Variants in RYR2 observed in about 807,000 individuals in gnomAD.
RYR2 encodes the protein cardiac muscle ryanodine receptor-calcium release channel.
In RYR2, 227 loss-of-function variants were observed where a neutral mutation model predicts 601.1. The observed-to-expected ratio is 0.38, with a 90% CI of 0.34 to 0.42. RYR2 has a LOEUF of 0.42. RYR2 is among the 10% of genes least tolerant of loss of function. RYR2 has a pLI of 1.00. For missense variants in RYR2, 4,646 were observed against 6,156.5 expected (o/e 0.75, Z 8.21); for synonymous variants, 2,223 against 2,175.1 (o/e 1.02, Z -0.61).
intron 51 of RYR2, 52 bp from the exon 52 acceptor site, chr1:237,654,222 A>C: frequency 6.3e-7 from 1 of 1,588,940 alleles, no homozygotes; most frequent in Non-Finnish European, 8.5e-7. Context: ...ATGAAAAAAA[A>C]ATATAAAAGG....
chr1:237,139,769 C>A (rs1673178684), intron 1 of RYR2, among the ~76,000 whole-genome samples: 1 of 152,176 alleles, frequency 6.6e-6, no homozygotes, highest in Admixed American at 6.5e-5. Flanking sequence ...CAAAATATTT[C>A]TATTTAGATT....
At chr1:237,312,152 G>T (rs1694640812) in intron 2 of RYR2, among the ~76,000 whole-genome samples, 1 of 152,160 alleles carries the variant, frequency 6.6e-6, no homozygotes, top group Admixed American at 6.5e-5. Context: ...AGGATTTGGG[G>T]GAGGTGGTTA....
In RYR2 at chr1:237,127,714, G is replaced by C. The variant is rs1169572432; in HGVS notation, c.48+85145G>C. Among the ~76,000 whole-genome samples the C allele has an allele frequency of 2.0e-5, 3 of 150,936 alleles. No homozygotes were observed. In the East Asian group the frequency reaches 6.0e-4, roughly 30 times the overall value. ...CTCCTCACCTCCCAGACGGGGTCGC[G>C]GCCGGGCAGAGGTGCTCCTCACATC... is the stretch of plus-strand genomic sequence containing the variant. On this transcript the variant is annotated intron_variant, in intron 1 of 104. Coordinates refer to ENST00000366574, the MANE Select transcript of RYR2 (RefSeq NM_001035.3).
chr1:237,584,871 C>T (rs1674350781), intron 29 of RYR2, among the ~76,000 whole-genome samples: 1 of 151,164 alleles, frequency 6.6e-6, no homozygotes, highest in South Asian at 2.1e-4. Context: ...AAAGCTAACT[C>T]CTAAGCAGTG....
intron 1 of RYR2, among the ~76,000 whole-genome samples, chr1:237,263,725 T>G (rs1265221265): frequency 6.6e-6 from 1 of 152,168 alleles, no homozygotes; most frequent in African/African-American, 2.4e-5. Context: ...TCAAATTGGA[T>G]TAGAGGTCAT....
chr1:237,720,610 G>A (rs926205797), intron 73 of RYR2, among the ~76,000 whole-genome samples: 1 of 152,206 alleles, frequency 6.6e-6, no homozygotes, highest in African/African-American at 2.4e-5. Flanking sequence ...CCTATAGGGA[G>A]AGACACTAAA....
chr1:237,354,754 T>C (rs1699151890), intron 3 of RYR2, among the ~76,000 whole-genome samples: 1 of 152,086 alleles, frequency 6.6e-6, no homozygotes, highest in African/African-American at 2.4e-5. Flanking sequence ...AATCAGGCCT[T>C]TCTGTTCAGT....
chr1:237,234,505 G>A (rs546852153), intron 1 of RYR2, among the ~76,000 whole-genome samples: 70 of 152,220 alleles, frequency 4.6e-4, no homozygotes, highest in African/African-American at 1.5e-3. Flanking sequence ...GGGAGTTGGC[G>A]TGTCATTGAA....
intron 71 of RYR2, among the ~76,000 whole-genome samples, chr1:237,712,892 A>G (rs1688960675): frequency 6.6e-6 from 1 of 152,216 alleles, no homozygotes. Context: ...CCAAATGGCC[A>G]AAGATCCAAA....
At chr1:237,098,176 C>A (rs1178642705) in intron 1 of RYR2, among the ~76,000 whole-genome samples, 1 of 152,100 alleles carries the variant, frequency 6.6e-6, no homozygotes, top group Admixed American at 6.5e-5. Flanking sequence ...CATAAAATTT[C>A]TGAACACAGA....
At chr1:237,521,174 G>A (rs976882046) in intron 24 of RYR2, among the ~76,000 whole-genome samples, 5 of 152,036 alleles carry the variant, frequency 3.3e-5, no homozygotes, top group African/African-American at 1.2e-4. Context: ...AAAAGTCAAG[G>A]AGCAGGAAAT....
rs56317247 is a variant in RYR2, at chr1:237,408,407, A to ATATATATATATATATATATATATAT, written c.774-8642_774-8641insTATATATATATATATATATATATAT. 9.2e-3 allele frequency among the ~76,000 whole-genome samples: 1,213 copies of ATATATATATATATATATATATATAT among 132,526 alleles called. 83 individuals are homozygous for ATATATATATATATATATATATATAT. Among genetic ancestry groups the ATATATATATATATATATATATATAT allele is most frequent in the African/African-American group, 0.026 (790 of 30,384 alleles). The allele number at this position is 132,526 out of a possible 152,430, so 86.9% of individuals were successfully genotyped here. ...TCTAGATTCTTTATATATATATATA[A>ATATATATATATATATATATATATAT]ATGGATATCCAGTCTTTTCAGTACT... On this transcript the variant is annotated intron_variant, in intron 10 of 104. Transcript: ENST00000366574.
At chr1:237,788,485 C>T (rs1266998918) in intron 92 of RYR2, among the ~76,000 whole-genome samples, 1 of 152,138 alleles carries the variant, frequency 6.6e-6, no homozygotes, top group Non-Finnish European at 1.5e-5. Flanking sequence ...GATGTGCCTT[C>T]TAGGACACAA....
intron 25 of RYR2, among the ~76,000 whole-genome samples, chr1:237,543,876 A>G (rs1454388218): frequency 6.6e-6 from 1 of 152,178 alleles, no homozygotes; most frequent in Non-Finnish European, 1.5e-5. Flanking sequence ...TGAAGCACAA[A>G]ACTGAGCTGC....
rs185648110 is a variant in RYR2 at position 237,407,247 on chromosome 1, A to G, written c.774-9802A>G. On this transcript the variant is annotated intron_variant, in intron 10 of 104. Transcript: ENST00000366574. ...TTTTGGCTGCTTCCAAGTTGTGGTA[A>G]TTAAAAGCTACTATTAATATTTACA... is the stretch of plus-strand genomic sequence containing the variant. 1.4e-3 allele frequency among the ~76,000 whole-genome samples: 219 copies of G among 152,320 alleles called. 3 individuals are homozygous for G. The Middle Eastern group carries it at 0.024, about 17-fold the overall frequency.
At chr1:237,580,720 A>C (rs1000008896) in intron 29 of RYR2, among the ~76,000 whole-genome samples, 1 of 152,140 alleles carries the variant, frequency 6.6e-6, no homozygotes, top group Non-Finnish European at 1.5e-5. Flanking sequence ...GGGGCCTTTA[A>C]AGGGGTAATT....
chr1:237,551,066 C>A (rs1670337009), intron 27 of RYR2, among the ~76,000 whole-genome samples: 1 of 152,146 alleles, frequency 6.6e-6, no homozygotes, highest in Non-Finnish European at 1.5e-5. Flanking sequence ...TACAAAATCC[C>A]ACCTTCATCA....
chr1:237,757,600 G>C (rs760648830), intron 81 of RYR2, 97 bp from the exon 82 acceptor site: 3 of 772,338 alleles, frequency 3.9e-6, no homozygotes, highest in Non-Finnish European at 4.6e-6. Context: ...GCCTGGGGGG[G>C]CATAATAATA....
At chr1:237,320,090 C>T (rs1439170301) in intron 2 of RYR2, among the ~76,000 whole-genome samples, 4 of 152,156 alleles carry the variant, frequency 2.6e-5, no homozygotes, top group Non-Finnish European at 5.9e-5. Context: ...CAAATTGTGG[C>T]AGTTTTTAAG....
Sources: allele counts gnomAD v4.1 joint callset (sites outside exome capture counted in the v4.1 genomes callset), GRCh38; gene constraint gnomAD v4.1.1; transcripts MANE v1.5; gene names NCBI Gene and HGNC (gene_info 2026-07-23, HGNC 2026-07-21).